UBE2T: variants seen among roughly 807,000 people sequenced by gnomAD.
The protein encoded by UBE2T is ubiquitin-conjugating enzyme E2 T.
UBE2T carries 15 observed loss-of-function variants against 23.3 expected under a neutral mutation model. The observed-to-expected ratio is 0.64, with a 90% CI of 0.43 to 0.99. The LOEUF (loss-of-function observed/expected upper bound fraction) is 0.99. Ranked by LOEUF, UBE2T falls within the 50% of genes least tolerant of loss-of-function variation. The probability of loss-of-function intolerance (pLI) is 0.00; values close to 1 mark genes in which losing one functional copy is unlikely to be tolerated. For synonymous variants in UBE2T, 67 were observed against 78.4 expected (o/e 0.85, Z 0.77); for missense variants, 197 against 234.9 (o/e 0.84, Z 1.05).
At chr1:202,337,082 A>G (rs1441811591) in intron 1 of UBE2T, among the ~76,000 whole-genome samples, 2 of 152,158 alleles carry the variant, frequency 1.3e-5, no homozygotes, top group Non-Finnish European at 2.9e-5. Context: ...AGCTGGCATT[A>G]CAGACGCCCG....
At chr1:202,337,517 AT>A (rs972615566) in intron 1 of UBE2T, among the ~76,000 whole-genome samples, 10 of 152,176 alleles carry the variant, frequency 6.6e-5, no homozygotes, top group African/African-American at 1.4e-4. Flanking sequence ...TGGGGGTCCA[AT>A]TTAAAGTTTT....
chr1:202,333,904 C>A (rs1463223424), intron 3 of UBE2T, among the ~76,000 whole-genome samples: 1 of 151,932 alleles, frequency 6.6e-6, no homozygotes, highest in Non-Finnish European at 1.5e-5. Context: ...ATTTACTGTT[C>A]AGATTTCAGT....
At chr1:202,339,596 T>C (rs546565584) in intron 1 of UBE2T, among the ~76,000 whole-genome samples, 1 of 93,134 alleles carries the variant, frequency 1.1e-5, no homozygotes, top group African/African-American at 4.1e-5. Flanking sequence ...TAGGACTCTG[T>C]CTCAAAAAAA....
chr1:202,335,851 C>T lies in UBE2T; in HGVS notation c.-64-33G>A. ...AGAAAAGAGGTGACCATAAAATCAT[C>T]AGCAATAATGACTATGAAGTTTTCA... On this transcript the variant is annotated intron_variant, in intron 1 of 6. Transcript: ENST00000646651. The surrounding 1 kb of genome is among the most constrained non-coding windows in gnomAD (Gnocchi z 4.0). 9.2e-7 allele frequency: 1 copy of T among 1,088,776 alleles called. No homozygotes were observed. The highest frequency in any genetic ancestry group is 2.0e-5 in the Admixed American group (1 of 50,098). The allele number at this position is 1,088,776 out of a possible 1,614,324, so 67.4% of individuals were successfully genotyped here. A position where few individuals can be genotyped will look rare whatever the true frequency, so the allele number is the denominator to read the frequency against.
intron 1 of UBE2T, among the ~76,000 whole-genome samples, chr1:202,336,705 A>T (rs1654892970): frequency 6.6e-6 from 1 of 152,154 alleles, no homozygotes; most frequent in Non-Finnish European, 1.5e-5. Flanking sequence ...AGAATGGTAG[A>T]GATAGTCAAC....
chr1:202,337,768 T>C (rs1259968681), intron 1 of UBE2T, among the ~76,000 whole-genome samples: 1 of 152,216 alleles, frequency 6.6e-6, no homozygotes, highest in Non-Finnish European at 1.5e-5. Flanking sequence ...AACTGGCAAA[T>C]ACAAATTGTA....
At position 202,335,554 on chromosome 1, in the gene UBE2T, T is replaced by C; in HGVS notation, c.109+92A>G. On this transcript the variant is annotated intron_variant, in intron 2 of 6. Coordinates refer to ENST00000646651, the MANE Select transcript of UBE2T (RefSeq NM_014176.4). The surrounding 1 kb of genome is among the most constrained non-coding windows in gnomAD (Gnocchi z 4.0). ...TAGGGCACTCTGACCTTATAACTGC[T>C]CCTTACTTTAGAAGAATACACAAAA... The C allele has an allele frequency of 7.8e-7, 1 of 1,280,398 alleles. No homozygotes were observed. The highest frequency in any genetic ancestry group is 1.3e-5 in the South Asian group (1 of 77,520). 79.3% of individuals were successfully genotyped at this position (1,280,398 alleles called of 1,614,324 possible). A position where few individuals can be genotyped will look rare whatever the true frequency, so the allele number is the denominator to read the frequency against.
intron 1 of UBE2T, among the ~76,000 whole-genome samples, chr1:202,341,574 T>G: frequency 2.2e-5 from 1 of 45,858 alleles, no homozygotes; most frequent in Non-Finnish European, 4.0e-5. Flanking sequence ...CGAGACTCCG[T>G]CTCAAAAAAA....
intron 1 of UBE2T, among the ~76,000 whole-genome samples, chr1:202,336,108 C>T (rs1277744698): frequency 4.6e-5 from 7 of 150,964 alleles, no homozygotes; most frequent in Admixed American, 3.3e-4. Context: ...GACAGGGTTT[C>T]GCCATGTTGG....
chr1:202,333,186 C>A, intron 5 of UBE2T, 51 bp downstream of exon 5: 1 of 1,607,114 alleles, frequency 6.2e-7, no homozygotes, highest in African/African-American at 1.3e-5. Flanking sequence ...GGAGAGTTAG[C>A]GGTATAGACA....
chr1:202,332,554 C>A (rs1654773991), intron 6 of UBE2T, among the ~76,000 whole-genome samples: 1 of 152,100 alleles, frequency 6.6e-6, no homozygotes, highest in Non-Finnish European at 1.5e-5. Flanking sequence ...TAGAAGGTTG[C>A]AATAGGAGAA....
rs35528865 is a variant in UBE2T, at chr1:202,339,077, C to CTTT, written c.-65+2815_-65+2817dup. 7.4e-4 allele frequency among the ~76,000 whole-genome samples: 80 copies of CTTT among 107,832 alleles called. 3 individuals carry two copies. The highest frequency in any genetic ancestry group is 2.5e-3 in the African/African-American group (65 of 26,494). 70.7% of individuals were successfully genotyped at this position (107,832 alleles called of 152,430 possible). On this transcript the variant is annotated intron_variant, in intron 1 of 6. Transcript: ENST00000646651. ...AAAATGAGTTAGGGAGTATTGCCTC[C>CTTT]TTTTTTTTTTTTTTTTTTTTTTTAA...
At chr1:202,340,471 G>A (rs554135552) in intron 1 of UBE2T, among the ~76,000 whole-genome samples, 4 of 151,284 alleles carry the variant, frequency 2.6e-5, no homozygotes, top group East Asian at 1.9e-4. Context: ...CCAAGATCGC[G>A]CCACTGCACT....
chr1:202,333,630 T>A, intron 3 of UBE2T, 75 bp from the exon 4 acceptor site: 1 of 1,359,846 alleles, frequency 7.4e-7, no homozygotes, highest in Non-Finnish European at 1.0e-6. Flanking sequence ...AGTTTCTTGG[T>A]CACAATAATT....
intron 1 of UBE2T, among the ~76,000 whole-genome samples, chr1:202,338,514 C>CCCAG (rs1654934642): frequency 6.6e-6 from 1 of 152,174 alleles, no homozygotes; most frequent in Non-Finnish European, 1.5e-5. Context: ...AGCCACCTCG[C>CCCAG]CCAGCCAATC....
chr1:202,339,588 G>GCGA (rs1654954449), intron 1 of UBE2T, among the ~76,000 whole-genome samples: 1 of 118,482 alleles, frequency 8.4e-6, no homozygotes, highest in South Asian at 2.7e-4. Context: ...CGATAGATTA[G>GCGA]GACTCTGTCT....
rs764551084 is a variant in UBE2T, at chr1:202,335,607, G to C, written c.109+39C>G. ...TTTTATTTCAGCACAATCTTCAATA[G>C]GGTCATGACTTTCATCATATACATG... On this transcript the variant is annotated intron_variant, in intron 2 of 6. Coordinates refer to ENST00000646651, the MANE Select transcript of UBE2T (RefSeq NM_014176.4). This position sits in a 1 kb window ranked among gnomAD's most constrained non-coding sequence, Gnocchi z 4.0. 1 of 1,578,992 alleles carries C rather than the reference G, an allele frequency of 6.3e-7. No homozygotes were observed. Among genetic ancestry groups the C allele is most frequent in the African/African-American group, 1.3e-5 (1 of 74,130 alleles).
chr1:202,335,807 G>C lies in UBE2T; in HGVS notation c.-53C>G. ...AGTTCACTGCTCCACACTAAGAGCT[G>C]CCTGGGATGCACTGGAGGAGAAAAG... On this transcript the variant is annotated 5_prime_UTR_variant, in exon 2 of 7. Coordinates refer to ENST00000646651, the MANE Select transcript of UBE2T (RefSeq NM_014176.4). The surrounding 1 kb of genome is among the most constrained non-coding windows in gnomAD (Gnocchi z 4.0). 1 of 1,527,324 alleles carries C rather than the reference G, an allele frequency of 6.5e-7. No homozygotes were observed. Among genetic ancestry groups the C allele is most frequent in the Non-Finnish European group, 9.1e-7 (1 of 1,103,596 alleles). The allele number at this position is 1,527,324 out of a possible 1,614,324, so 94.6% of individuals were successfully genotyped here.
At chr1:202,338,981 C>A (rs1654942179) in intron 1 of UBE2T, among the ~76,000 whole-genome samples, 1 of 151,508 alleles carries the variant, frequency 6.6e-6, no homozygotes. Context: ...CTATGCTAAT[C>A]AGTAAGACTG....
Sources: allele counts gnomAD v4.1 joint callset (sites outside exome capture counted in the v4.1 genomes callset), GRCh38; gene constraint gnomAD v4.1.1; non-coding constraint Gnocchi (gnomAD v3.1); transcripts MANE v1.5; gene names NCBI Gene and HGNC (gene_info 2026-07-23, HGNC 2026-07-21).